The following GRIP1 variants were observed in gnomAD, a reference collection of about 807,000 sequenced individuals.
The protein encoded by GRIP1 is glutamate receptor-interacting protein 1.
A neutral mutation model predicts 129.9 loss-of-function variants in GRIP1; 45 were observed. That is an observed-to-expected ratio of 0.35 (90% CI 0.27 to 0.44). The LOEUF (loss-of-function observed/expected upper bound fraction) is 0.44. Ranked by LOEUF, GRIP1 falls within the 20% of genes least tolerant of loss-of-function variation. GRIP1 has a pLI of 1.00. For synonymous variants in GRIP1, 530 were observed against 520.8 expected, an observed-to-expected ratio of 1.02 and a Z score of -0.24; for missense variants, 1,196 against 1,396.8, an observed-to-expected ratio of 0.86 and a Z score of 2.29.
At chr12:66,975,582 C>A (rs2137594596) in intron 1 of GRIP1, among the ~76,000 whole-genome samples, 1 of 152,212 alleles carries the variant, frequency 6.6e-6, no homozygotes, top group East Asian at 1.9e-4. Flanking sequence ...ACCATCGTCA[C>A]ATGAAAAGGC....
At chr12:66,826,215 C>T (rs1436278395) in intron 1 of GRIP1, among the ~76,000 whole-genome samples, 3 of 152,106 alleles carry the variant, frequency 2.0e-5, no homozygotes, top group Non-Finnish European at 4.4e-5. Flanking sequence ...GAAAACCAAA[C>T]ACCTCATGTT....
chr12:66,522,472 G>T (rs2061050864), intron 5 of GRIP1, among the ~76,000 whole-genome samples: 1 of 152,202 alleles, frequency 6.6e-6, no homozygotes, highest in Non-Finnish European at 1.5e-5. Flanking sequence ...GCAGCTGAGG[G>T]TCCTGTCTGT....
intron 5 of GRIP1, among the ~76,000 whole-genome samples, chr12:66,519,074 C>A (rs942064881): frequency 1.3e-5 from 2 of 152,208 alleles, no homozygotes; most frequent in African/African-American, 4.8e-5. Context: ...TGTTTGCCTG[C>A]TAGAACAGAT....
chr12:66,554,036 A>C (rs959617022), intron 2 of GRIP1, among the ~76,000 whole-genome samples: 1 of 152,154 alleles, frequency 6.6e-6, no homozygotes. Flanking sequence ...CTAAGAGCCC[A>C]TTGACTTGGT....
intron 1 of GRIP1, among the ~76,000 whole-genome samples, chr12:66,815,854 T>TCTCTCTCTCTC (rs374620257): frequency 3.8e-4 from 44 of 116,826 alleles, no homozygotes; most frequent in East Asian, 1.5e-3. Flanking sequence ...CTTTCTTTCT[T>TCTCTCTCTCTC]TCTCTCTCTC....
rs12302927 is a variant in GRIP1 at position 66,439,248 on chromosome 12, C to T, written c.1687+5336G>A. ...CCTCCATTACACTGTGTTCCCAATT[C>T]TCAGATCTCTCCTGGTTGAGGATCT... On this transcript the variant is annotated intron_variant, in intron 13 of 24. Transcript: ENST00000359742. 4.9e-3 allele frequency among the ~76,000 whole-genome samples: 747 copies of T among 152,254 alleles called. 9 individuals carry two copies. The highest frequency in any genetic ancestry group is 0.017 in the African/African-American group (696 of 41,512).
intron 1 of GRIP1, among the ~76,000 whole-genome samples, chr12:66,835,001 T>G (rs1472069320): frequency 6.6e-6 from 1 of 151,756 alleles, no homozygotes; most frequent in Non-Finnish European, 1.5e-5. Flanking sequence ...ATTAAAAATT[T>G]CTGTTCTGAG....
intron 23 of GRIP1, among the ~76,000 whole-genome samples, chr12:66,370,878 G>T (rs2055448901): frequency 6.6e-6 from 1 of 152,116 alleles, no homozygotes; most frequent in Admixed American, 6.6e-5. Context: ...ATTAGAGACA[G>T]AACATAGCCA....
intron 1 of GRIP1, among the ~76,000 whole-genome samples, chr12:66,958,944 T>C (rs1275833439): frequency 6.6e-6 from 1 of 152,158 alleles, no homozygotes; most frequent in East Asian, 1.9e-4. Context: ...ATATCTATTG[T>C]TATTGTTACT....
At chr12:66,550,663 C>T (rs375767625) in intron 2 of GRIP1, among the ~76,000 whole-genome samples, 10 of 152,136 alleles carry the variant, frequency 6.6e-5, no homozygotes, top group Non-Finnish European at 1.0e-4. Context: ...GAACAATTTA[C>T]GCTGGAGTGA....
intron 1 of GRIP1, among the ~76,000 whole-genome samples, chr12:66,633,174 G>A (rs751297174): frequency 2.0e-5 from 3 of 149,406 alleles, no homozygotes; most frequent in Middle Eastern, 3.5e-3. Flanking sequence ...CGCTATGCCC[G>A]GCTAATTTTT....
chr12:66,811,846 T>C (rs770965316), intron 1 of GRIP1, among the ~76,000 whole-genome samples: 1 of 152,222 alleles, frequency 6.6e-6, no homozygotes, highest in African/African-American at 2.4e-5. Context: ...TCTTGGTATT[T>C]AAATTTGTTC....
At chr12:66,712,593 C>T (rs142976369) in intron 1 of GRIP1, among the ~76,000 whole-genome samples, 1,971 of 151,940 alleles carry the variant, frequency 0.013, 41 homozygotes, top group African/African-American at 0.044. Context: ...CATAAGCAAA[C>T]GGAGAATATG....
At chr12:66,600,799 G>T (rs1166706219) in intron 1 of GRIP1, among the ~76,000 whole-genome samples, 2 of 152,146 alleles carry the variant, frequency 1.3e-5, no homozygotes, top group African/African-American at 4.8e-5. Flanking sequence ...TATTAACAAG[G>T]GATTCTCACT....
intron 1 of GRIP1, among the ~76,000 whole-genome samples, chr12:66,869,989 T>G (rs2040268908): frequency 6.6e-6 from 1 of 152,112 alleles, no homozygotes; most frequent in Non-Finnish European, 1.5e-5. Flanking sequence ...TGTTTGGGGC[T>G]GTCTGGTGTG....
chr12:66,452,149 C>A (rs2058826317), intron 11 of GRIP1, among the ~76,000 whole-genome samples: 1 of 152,174 alleles, frequency 6.6e-6, no homozygotes. Context: ...TGGTGGGGAA[C>A]AGAAAGCAGG....
At chr12:66,852,110 G>C (rs1259491930) in intron 1 of GRIP1, among the ~76,000 whole-genome samples, 1 of 151,962 alleles carries the variant, frequency 6.6e-6, no homozygotes, top group East Asian at 1.9e-4. Context: ...GCTTTTGAAG[G>C]GGACTGAGTT....
chr12:66,584,082 A>G (rs1437284837), intron 2 of GRIP1, among the ~76,000 whole-genome samples: 2 of 149,908 alleles, frequency 1.3e-5, no homozygotes, highest in Non-Finnish European at 3.0e-5. Flanking sequence ...GCAGCCATAA[A>G]AAAGGATGAG....
intron 1 of GRIP1, among the ~76,000 whole-genome samples, chr12:66,905,394 C>A (rs2040914664): frequency 6.6e-6 from 1 of 152,100 alleles, no homozygotes; most frequent in Non-Finnish European, 1.5e-5. Context: ...ATTGGAATTA[C>A]ATAGGTCAGT....
Sources: allele counts gnomAD v4.1 joint callset (sites outside exome capture counted in the v4.1 genomes callset), GRCh38; gene constraint gnomAD v4.1.1; transcripts MANE v1.5; gene names NCBI Gene and HGNC (gene_info 2026-07-23, HGNC 2026-07-21).